The following CACNA2D2 variants were observed in gnomAD, a reference collection of about 807,000 sequenced individuals.
The protein encoded by CACNA2D2 is voltage-dependent calcium channel subunit alpha-2/delta-2.
CACNA2D2 carries 48 observed loss-of-function variants against 166.4 expected under a neutral mutation model. The observed-to-expected ratio is 0.29, with a 90% CI of 0.23 to 0.37. CACNA2D2 has a LOEUF of 0.37. CACNA2D2 is among the 10% of genes least tolerant of loss of function. The probability of loss-of-function intolerance (pLI) is 1.00; values close to 1 mark genes in which losing one functional copy is unlikely to be tolerated. For missense variants in CACNA2D2, 1,122 were observed against 1,433.0 expected (o/e 0.78, Z 3.50); for synonymous variants, 561 against 573.7 (o/e 0.98, Z 0.32).
At chr3:50,372,765 A>G (rs1024372694) in intron 22 of CACNA2D2, among the ~76,000 whole-genome samples, 2 of 152,134 alleles carry the variant, frequency 1.3e-5, no homozygotes, top group African/African-American at 4.8e-5. Context: ...TTAGAGGGAC[A>G]GAGAAGGTGG....
At chr3:50,468,441 G>GT (rs61609978) in intron 2 of CACNA2D2, among the ~76,000 whole-genome samples, 89 of 140,430 alleles carry the variant, frequency 6.3e-4, no homozygotes, top group East Asian at 3.2e-3. Context: ...GTGTGTGTGT[G>GT]GCTTTAGGAA....
chr3:50,403,844 G>A (rs914267674), intron 3 of CACNA2D2, among the ~76,000 whole-genome samples: 1 of 152,316 alleles, frequency 6.6e-6, no homozygotes, highest in African/African-American at 2.4e-5. Context: ...TCATCCTGTA[G>A]GAGCCACTGC....
chr3:50,373,617 A>G (rs1293403546), intron 22 of CACNA2D2, among the ~76,000 whole-genome samples: 1 of 6,876 alleles, frequency 1.5e-4, no homozygotes, highest in Non-Finnish European at 3.5e-4. Flanking sequence ...GTGGGACTGA[A>G]GGGGGGGGGG....
At chr3:50,478,342 G>A (rs1052853705) in intron 1 of CACNA2D2, among the ~76,000 whole-genome samples, 1 of 152,208 alleles carries the variant, frequency 6.6e-6, no homozygotes, top group African/African-American at 2.4e-5. Context: ...GTGCTCCTGC[G>A]ATGGAGCCCT....
chr3:50,466,874 T>C (rs1319594330), intron 2 of CACNA2D2, among the ~76,000 whole-genome samples: 6 of 152,206 alleles, frequency 3.9e-5, no homozygotes, highest in Admixed American at 3.9e-4. Flanking sequence ...ATCTTCTGTC[T>C]GTACCCGAAA....
intron 3 of CACNA2D2, among the ~76,000 whole-genome samples, chr3:50,413,484 G>A (rs868834281): frequency 2.6e-5 from 4 of 152,104 alleles, no homozygotes; most frequent in South Asian, 4.1e-4. Flanking sequence ...CAAGCACTGC[G>A]GGACTCTTGA....
Position 50,366,988 on chromosome 3 carries a change from C to T in CACNA2D2, c.2500+23G>A, listed in dbSNP as rs757967180. The T allele has an allele frequency of 6.2e-7, 1 of 1,613,398 alleles. No individual in the cohort carries two copies. Among genetic ancestry groups the T allele is most frequent in the Non-Finnish European group, 8.5e-7 (1 of 1,179,640 alleles). ...AGTACCCTGTCCATTGCCTGTTTCC[C>T]CACCTCTGTCCCAAACATTCACCTG... On this transcript the variant is annotated intron_variant, in intron 28 of 37. Coordinates refer to ENST00000424201, the MANE Select transcript of CACNA2D2 (RefSeq NM_006030.4). This position sits in a 1 kb window ranked among gnomAD's most constrained non-coding sequence, Gnocchi z 5.9.
intron 3 of CACNA2D2, among the ~76,000 whole-genome samples, chr3:50,402,037 G>C (rs571939880): frequency 1.3e-5 from 2 of 152,328 alleles, no homozygotes; most frequent in South Asian, 4.1e-4. Flanking sequence ...AACATCAAGA[G>C]GAGGAAGGCC....
At chr3:50,409,827 G>A (rs776791783) in intron 3 of CACNA2D2, among the ~76,000 whole-genome samples, 1 of 152,216 alleles carries the variant, frequency 6.6e-6, no homozygotes, top group Non-Finnish European at 1.5e-5. Context: ...CGTGGAGTGG[G>A]AGACACTGTG....
chr3:50,470,294 C>T (rs928783118), intron 2 of CACNA2D2, among the ~76,000 whole-genome samples: 1 of 152,206 alleles, frequency 6.6e-6, no homozygotes, highest in African/African-American at 2.4e-5. Flanking sequence ...GAGAAGGGGA[C>T]CCATACCTGG....
At chr3:50,446,726 C>A (rs985267526) in intron 2 of CACNA2D2, among the ~76,000 whole-genome samples, 2 of 152,238 alleles carry the variant, frequency 1.3e-5, no homozygotes, top group African/African-American at 4.8e-5. Flanking sequence ...GGATAACAAG[C>A]CCCTAATTCA....
rs1264203428 is a variant in CACNA2D2, at chr3:50,375,337, A to T, written c.1907+307T>A. Among the ~76,000 whole-genome samples, 2 of 152,138 alleles carry T rather than the reference A, an allele frequency of 1.3e-5. No homozygotes were observed. The highest frequency in any genetic ancestry group is 6.5e-5 in the Admixed American group (1 of 15,284). ...GGCAGGCAGAGGTCAGCCTGCACTG[A>T]CCCAGCCTGACACACAAGGGACCTC... On this transcript the variant is annotated intron_variant, in intron 21 of 37. Coordinates refer to ENST00000424201, the MANE Select transcript of CACNA2D2 (RefSeq NM_006030.4). The surrounding 1 kb of genome is among the most constrained non-coding windows in gnomAD (Gnocchi z 4.0).
rs1186108923 is a variant in CACNA2D2 at position 50,427,028 on chromosome 3, G to A, written c.405+7285C>T. Among the ~76,000 whole-genome samples the A allele has an allele frequency of 1.3e-5, 2 of 152,164 alleles. No homozygotes were observed. The highest frequency in any genetic ancestry group is 2.4e-5 in the African/African-American group (1 of 41,450). Reference sequence around the variant, plus strand: ...GACAGAGATGCAGGCAGGGGAGGCCGTCCCCACACTCATGTCCAGCTGTTG... The same window carrying A: ...GACAGAGATGCAGGCAGGGGAGGCCATCCCCACACTCATGTCCAGCTGTTG... On this transcript the variant is annotated intron_variant, in intron 3 of 37. Transcript: ENST00000424201. This position sits in a 1 kb window ranked among gnomAD's most constrained non-coding sequence, Gnocchi z 4.7.
At position 50,379,420 on chromosome 3, in the gene CACNA2D2, C is replaced by T. The variant is rs1413050622; in HGVS notation, c.1152+12G>A. ...TCCCCCAGCCGCCCACTTGCCCACC[C>T]ATGGGGCTCACGTTCTGCAGCTGGT... On this transcript the variant is annotated intron_variant, in intron 11 of 37. Coordinates refer to ENST00000424201, the MANE Select transcript of CACNA2D2 (RefSeq NM_006030.4). The surrounding 1 kb of genome is among the most constrained non-coding windows in gnomAD (Gnocchi z 6.5). 1.9e-6 allele frequency: 3 copies of T among 1,612,480 alleles called. No individual in the cohort carries two copies. The African/African-American group carries it at 4.0e-5, about 22-fold the overall frequency.
intron 3 of CACNA2D2, among the ~76,000 whole-genome samples, chr3:50,420,843 C>T (rs181250499): frequency 1.3e-5 from 2 of 152,308 alleles, no homozygotes; most frequent in East Asian, 3.9e-4. Flanking sequence ...TGCCCCCAGC[C>T]TGCCTGTCAC....
chr3:50,367,157 G>T lies in CACNA2D2; in HGVS notation c.2402-48C>A. ...AGGAGTGGGGTCTGGCGGCCACACT[G>T]ACCACTCTATGCTGGGTCCTACAAA... On this transcript the variant is annotated intron_variant, in intron 27 of 37. Transcript: ENST00000424201. The surrounding 1 kb of genome is among the most constrained non-coding windows in gnomAD (Gnocchi z 6.5). 1.4e-6 allele frequency: 2 copies of T among 1,407,730 alleles called. No individual in the cohort carries two copies. The highest frequency in any genetic ancestry group is 2.4e-5 in the South Asian group (2 of 84,964). The allele number at this position is 1,407,730 out of a possible 1,614,324, so 87.2% of individuals were successfully genotyped here. A position where few individuals can be genotyped will look rare whatever the true frequency, so the allele number is the denominator to read the frequency against.
Position 50,365,757 on chromosome 3 carries a change from A to C in CACNA2D2, c.2915+53T>G. 1 of 1,610,842 alleles carries C rather than the reference A, an allele frequency of 6.2e-7. No individual in the cohort carries two copies. Among genetic ancestry groups the C allele is most frequent in the Non-Finnish European group, 8.5e-7 (1 of 1,178,788 alleles). On this transcript the variant is annotated intron_variant, in intron 33 of 37. Transcript: ENST00000424201. This position sits in a 1 kb window ranked among gnomAD's most constrained non-coding sequence, Gnocchi z 4.5. ...GATGCCATGCCCTACTTCTCTTCTG[A>C]GCCCTCCCGGCCAGGGAGCACCTTC...
At chr3:50,460,194 G>A (rs567277467) in intron 2 of CACNA2D2, among the ~76,000 whole-genome samples, 3 of 152,348 alleles carry the variant, frequency 2.0e-5, no homozygotes, top group East Asian at 1.9e-4. Flanking sequence ...TAAATGCAAA[G>A]TGGTTCCTTG....
rs61469495 is a variant in CACNA2D2 at position 50,476,929 on chromosome 3, C to CT, written c.207-731dup. Among the ~76,000 whole-genome samples the CT allele has an allele frequency of 8.1e-3, 1,090 of 135,228 alleles. 11 individuals are homozygous for CT. Among genetic ancestry groups the CT allele is most frequent in the South Asian group, 0.048 (196 of 4,118 alleles). The allele number at this position is 135,228 out of a possible 152,430, so 88.7% of individuals were successfully genotyped here. On this transcript the variant is annotated intron_variant, in intron 1 of 37. Transcript: ENST00000424201. ...CTGGGATTGCTCTTTGTTTCTTTTT[C>CT]TTTTTTTTTTTTTTTTTTGAGACAG...
Sources: gnomAD v4.1 joint callset for allele counts (sites outside exome capture counted in the v4.1 genomes callset) on GRCh38, gnomAD v4.1.1 for gene constraint, Gnocchi (gnomAD v3.1) non-coding constraint, MANE v1.5 for transcripts, NCBI Gene and HGNC (gene_info 2026-07-23, HGNC 2026-07-21) for gene names.